Variants in ELAVL2 observed in about 807,000 individuals in gnomAD.
The protein encoded by ELAVL2 is ELAV-like protein 2.
ELAVL2 carries 4 observed loss-of-function variants against 34.6 expected under a neutral mutation model. That is an observed-to-expected ratio of 0.12 (90% CI 0.06 to 0.26). The LOEUF (loss-of-function observed/expected upper bound fraction) is 0.26, where lower values mean the gene tolerates loss of function less well. Ranked by LOEUF, ELAVL2 falls within the 10% of genes least tolerant of loss-of-function variation. ELAVL2 has a pLI of 1.00. For missense variants in ELAVL2, 432 were observed against 442.8 expected, an observed-to-expected ratio of 0.98 and a Z score of 0.22; for synonymous variants, 193 against 154.8, an observed-to-expected ratio of 1.25 and a Z score of -1.83.
intron 1 of ELAVL2, among the ~76,000 whole-genome samples, chr9:23,763,282 C>T (rs2055473781): frequency 6.6e-6 from 1 of 152,044 alleles, no homozygotes; most frequent in Non-Finnish European, 1.5e-5. Flanking sequence ...ACTTATTAAG[C>T]AGTATTAAAT....
chr9:23,820,514 T>G (rs2064425619), intron 1 of ELAVL2, among the ~76,000 whole-genome samples: 1 of 152,180 alleles, frequency 6.6e-6, no homozygotes, highest in Non-Finnish European at 1.5e-5. Flanking sequence ...TCTTTAAAAA[T>G]GCACACAATT....
At chr9:23,831,263 C>T (rs978194614), upstream of ELAVL2, among the ~76,000 whole-genome samples, 4 of 152,142 alleles carry the variant, frequency 2.6e-5, no homozygotes, top group East Asian at 7.7e-4. Context: ...CAGAGCCATC[C>T]AGGGCGCTCC....
At chr9:23,700,286 A>G (rs904341596) in intron 5 of ELAVL2, among the ~76,000 whole-genome samples, 3 of 152,200 alleles carry the variant, frequency 2.0e-5, no homozygotes, top group African/African-American at 7.2e-5. Context: ...CAAAAAGGAT[A>G]TTTAAAAATG....
chr9:23,783,543 T>G lies in ELAVL2; in HGVS notation c.-15-21294A>C. On this transcript the variant is annotated intron_variant, in intron 1 of 6. Transcript: ENST00000397312. Reference sequence around the variant, plus strand: ...GGAGATGGAGCTTTCAAATAAGGCTTTAGTCACCACTAAAAGGACACAGAA... The same window carrying G: ...GGAGATGGAGCTTTCAAATAAGGCTGTAGTCACCACTAAAAGGACACAGAA... The G allele has an allele frequency of 5.1e-6, 5 of 976,600 alleles. No homozygotes were observed. In the South Asian group the frequency reaches 2.4e-4, roughly 46 times the overall value. 60.5% of individuals were successfully genotyped at this position (976,600 alleles called of 1,614,324 possible).
rs1451648832 is a variant in ELAVL2, at chr9:23,722,720, T to G, written c.333+8302A>C. Among the ~76,000 whole-genome samples the G allele has an allele frequency of 2.0e-5, 3 of 152,232 alleles. No individual in the cohort carries two copies. The East Asian group carries it at 5.8e-4, about 29-fold the overall frequency. Reference sequence around the variant, plus strand: ...TTCTGATGCTTATTAGCTATTTCATTTTGAACAAATCCCTTTTAACCTGAG... The same window carrying G: ...TTCTGATGCTTATTAGCTATTTCATGTTGAACAAATCCCTTTTAACCTGAG... On this transcript the variant is annotated intron_variant, in intron 3 of 6. Transcript: ENST00000397312.
intron 1 of ELAVL2, among the ~76,000 whole-genome samples, 171 bp from the exon 2 acceptor site, chr9:23,762,420 A>G (rs1008374014): frequency 4.6e-5 from 7 of 152,144 alleles, no homozygotes; most frequent in African/African-American, 1.7e-4. Flanking sequence ...ATATTAACCT[A>G]TTCATCTTAA....
chr9:23,820,169 G>A (rs1459404723), intron 1 of ELAVL2, among the ~76,000 whole-genome samples: 1 of 152,170 alleles, frequency 6.6e-6, no homozygotes, highest in African/African-American at 2.4e-5. Context: ...CTCTTCAAGG[G>A]CAACAAAACA....
At position 23,731,503 on chromosome 9, in the gene ELAVL2, G is replaced by C. The variant is rs193196647; in HGVS notation, c.230-378C>G. 7.3e-3 allele frequency among the ~76,000 whole-genome samples: 1,113 copies of C among 152,256 alleles called. 11 individuals are homozygous for C. Among genetic ancestry groups the C allele is most frequent in the Non-Finnish European group, 0.011 (777 of 68,006 alleles). On this transcript the variant is annotated intron_variant, in intron 2 of 6. Transcript: ENST00000397312. The stretch of plus-strand genomic sequence containing the variant: ...TACCTTTTCAGCTTCAGTTTCCTTA[G>C]CCATAAAAATGGGAAGACAGAAAAC...
chr9:23,826,852 G>A (rs1011594266), upstream of ELAVL2, among the ~76,000 whole-genome samples: 5 of 152,132 alleles, frequency 3.3e-5, no homozygotes, highest in Non-Finnish European at 5.9e-5. Context: ...GTTCAGTACT[G>A]TATTTTGTAT....
chr9:23,816,564 C>G (rs1243869815), intron 1 of ELAVL2, among the ~76,000 whole-genome samples: 3 of 152,270 alleles, frequency 2.0e-5, no homozygotes, highest in East Asian at 3.9e-4. Context: ...AGGATTAAAT[C>G]TATCACTACA....
chr9:23,751,517 A>G (rs2052026907), intron 2 of ELAVL2, among the ~76,000 whole-genome samples: 1 of 152,210 alleles, frequency 6.6e-6, no homozygotes, highest in Non-Finnish European at 1.5e-5. Context: ...CTAACACTGC[A>G]GGAATATTAG....
intron 1 of ELAVL2, among the ~76,000 whole-genome samples, chr9:23,769,377 C>T (rs1352192147): frequency 6.6e-6 from 1 of 152,148 alleles, no homozygotes. Context: ...CACACCATTC[C>T]TATAGCAAAT....
At chr9:23,777,231 C>T (rs528494902) in intron 1 of ELAVL2, among the ~76,000 whole-genome samples, 1 of 152,320 alleles carries the variant, frequency 6.6e-6, no homozygotes, top group South Asian at 2.1e-4. Flanking sequence ...TCGCTATCAT[C>T]CACTACTTTA....
chr9:23,760,011 C>G (rs1390130119), intron 2 of ELAVL2, among the ~76,000 whole-genome samples: 1 of 151,572 alleles, frequency 6.6e-6, no homozygotes, highest in African/African-American at 2.4e-5. Flanking sequence ...TTTTTAGTAT[C>G]TAGGTATGTA....
chr9:23,803,456 C>G (rs907139447), intron 1 of ELAVL2, among the ~76,000 whole-genome samples: 1 of 152,158 alleles, frequency 6.6e-6, no homozygotes, highest in African/African-American at 2.4e-5. Flanking sequence ...GGGGTTTACA[C>G]CCTAGTCAGG....
chr9:23,810,440 CA>C (rs1268073151), intron 1 of ELAVL2, among the ~76,000 whole-genome samples: 3 of 152,060 alleles, frequency 2.0e-5, no homozygotes, highest in East Asian at 3.9e-4. Context: ...CCTGGTACAA[CA>C]ACCCCACCAC....
chr9:23,812,732 T>C (rs1431032492), intron 1 of ELAVL2, among the ~76,000 whole-genome samples: 2 of 149,378 alleles, frequency 1.3e-5, no homozygotes, highest in Non-Finnish European at 3.0e-5. Flanking sequence ...CATACACTTA[T>C]ACTAACACTC....
intron 2 of ELAVL2, among the ~76,000 whole-genome samples, chr9:23,737,044 TCGA>T (rs1226322340): frequency 6.6e-6 from 1 of 152,188 alleles, no homozygotes; most frequent in African/African-American, 2.4e-5. Flanking sequence ...AGTGCTCCTC[TCGA>T]CTAGTCCTCC....
At chr9:23,731,597 A>C (rs1489138210) in intron 2 of ELAVL2, among the ~76,000 whole-genome samples, 1 of 152,162 alleles carries the variant, frequency 6.6e-6, no homozygotes, top group Admixed American at 6.6e-5. Context: ...ACCAAGTACA[A>C]TAATGTCGGA....
Sources: gnomAD v4.1 joint callset for allele counts (sites outside exome capture counted in the v4.1 genomes callset) on GRCh38, gnomAD v4.1.1 for gene constraint, MANE v1.5 for transcripts, NCBI Gene and HGNC (gene_info 2026-07-23, HGNC 2026-07-21) for gene names.